The following PTCH1 variants were observed in gnomAD, a reference collection of about 807,000 sequenced individuals.
The protein encoded by PTCH1 is protein patched homolog 1.
In PTCH1, 14 loss-of-function variants were observed where a neutral mutation model predicts 144.6. That is an observed-to-expected ratio of 0.10 (90% CI 0.06 to 0.15). The LOEUF is 0.15. PTCH1 is among the 10% of genes least tolerant of loss of function. The probability of loss-of-function intolerance (pLI) is 1.00; values close to 1 mark genes in which losing one functional copy is unlikely to be tolerated. For missense variants in PTCH1, 1,623 were observed against 1,948.3 expected (o/e 0.83, Z 3.14); for synonymous variants, 833 against 793.6 (o/e 1.05, Z -0.83).
intron 19 of PTCH1, 32 bp downstream of exon 19, chr9:95,456,244 C>T (rs1433749975): frequency 6.2e-7 from 1 of 1,611,306 alleles, no homozygotes; most frequent in Admixed American, 1.7e-5. Context: ...GTTGTTTTTT[C>T]ACAAAGTTTT....
chr9:95,463,185 T>G (rs1358730873), intron 15 of PTCH1, among the ~76,000 whole-genome samples: 1 of 152,104 alleles, frequency 6.6e-6, no homozygotes, highest in African/African-American at 2.4e-5. Context: ...AAAATCTGGT[T>G]GCGTTAGTGC....
At position 95,508,245 on chromosome 9, in the gene PTCH1, C is replaced by A; in HGVS notation, c.117G>T (p.Leu39=). Residue 39 remains leucine (L), a synonymous_variant, in exon 1 of 24, where the codon CTG becomes CTT. Transcript: ENST00000331920. ...GGGRRRRTGG[L]RRAAAPDRDY... is the part of the protein sequence containing the mutation. ...CCCGGTCCGGCGCGGCAGCACGGCG[C>A]AGCCCCCCCGTCCGTCTGCGCCTCC... 6.2e-7 allele frequency: 1 copy of A among 1,605,906 alleles called. No individual in the cohort carries two copies. Among genetic ancestry groups the A allele is most frequent in the Non-Finnish European group, 8.5e-7 (1 of 1,178,002 alleles).
chr9:95,446,261 A>G lies in PTCH1; in HGVS notation c.*132T>C. On this transcript the variant is annotated 3_prime_UTR_variant, in exon 24 of 24. Coordinates refer to ENST00000331920, the MANE Select transcript of PTCH1 (RefSeq NM_000264.5). ...CAAAATAATACAATCGGTTACAGTA[A>G]CAATGAACTGCTGTCCTGGCACAGG... is the stretch of plus-strand genomic sequence containing the variant. 1 of 452,920 alleles carries G rather than the reference A, an allele frequency of 2.2e-6. No individual in the cohort carries two copies. Among genetic ancestry groups the G allele is most frequent in the Non-Finnish European group, 4.4e-6 (1 of 227,570 alleles). 28.1% of individuals were successfully genotyped at this position (452,920 alleles called of 1,614,324 possible). A position where few individuals can be genotyped will look rare whatever the true frequency, so the allele number is the denominator to read the frequency against.
chr9:95,469,948 A>C lies in PTCH1; in HGVS notation c.1729-17T>G. The C allele has an allele frequency of 6.3e-7, 1 of 1,582,618 alleles. No individual in the cohort carries two copies. The highest frequency in any genetic ancestry group is 8.7e-7 in the Non-Finnish European group (1 of 1,151,392). On this transcript the variant is annotated splice_polypyrimidine_tract_variant and intron_variant, in intron 12 of 23. Transcript: ENST00000331920. The stretch of plus-strand genomic sequence containing the variant: ...TACCGCTGCCTGGGAGCAGAAAAAA[A>C]ATTCAGAGGTCACCAACATGCCTCC...
chr9:95,456,306 T>C lies in PTCH1; in HGVS notation c.3276A>G (p.Ile1092Met), dbSNP rs1227312736. 6.2e-7 allele frequency: 1 copy of C among 1,614,046 alleles called. No individual in the cohort carries two copies. The highest frequency in any genetic ancestry group is 8.5e-7 in the Non-Finnish European group (1 of 1,180,012). Residue 1092 changes from isoleucine to methionine, a missense_variant, in exon 19 of 24, where the codon ATA becomes ATG. Around this residue, in one of 7 missense-constraint regions of PTCH1, gnomAD observed 504 missense variants for 679.3 expected, o/e 0.74. Transcript: ENST00000331920. ...PVVILIASVG[I>M]GVEFTVHVAL... Reference sequence around the variant, plus strand: ...CAACGTGAACGGTGAACTCCACTCCTATGCCAACAGAAGCGATCAGGATGA... The same window carrying C: ...CAACGTGAACGGTGAACTCCACTCCCATGCCAACAGAAGCGATCAGGATGA...
rs1843774341 is a variant in PTCH1 at position 95,507,462 on chromosome 9, C to T, written c.201+699G>A. The stretch of plus-strand genomic sequence containing the variant: ...AGCGAGCCTCGTAAACACAATGAAC[C>T]CGGCAGCTCCGCAGACTCGCACCGC... On this transcript the variant is annotated intron_variant, in intron 1 of 23. Transcript: ENST00000331920. 7 of 982,854 alleles carry T rather than the reference C, an allele frequency of 7.1e-6. No homozygotes were observed. In the Admixed American group the frequency reaches 4.3e-4, roughly 60 times the overall value. 60.9% of individuals were successfully genotyped at this position (982,854 alleles called of 1,614,324 possible).
At chr9:95,484,063 A>G (rs1439351195) in intron 3 of PTCH1, 2 of 152,268 alleles carry the variant, frequency 1.3e-5, no homozygotes, top group Non-Finnish European at 2.9e-5. Context: ...ATTCCAATGC[A>G]TAAAATTACT....
At chr9:95,460,533 G>C (rs1839368351) in intron 16 of PTCH1, among the ~76,000 whole-genome samples, 1 of 152,106 alleles carries the variant, frequency 6.6e-6, no homozygotes, top group African/African-American at 2.4e-5. Context: ...TCCTCGCTTT[G>C]GGTCTTTTTT....
In PTCH1 at chr9:95,509,225, C is replaced by T. The variant is rs1844011300; in HGVS notation, c.-864G>A. 6.7e-6 allele frequency among the ~76,000 whole-genome samples: 1 copy of T among 149,922 alleles called. No individual in the cohort carries two copies. The highest frequency in any genetic ancestry group is 6.7e-5 in the Admixed American group (1 of 15,010). ...ATGGAAGAAGAAAAAAAAGAACTCT[C>T]TCCATTTGGAGAAAGAAGAGGAGGA... On this transcript the variant is annotated 5_prime_UTR_variant, in exon 1 of 24. Transcript: ENST00000331920.
At chr9:95,510,740 AAG>A (rs1491556557), upstream of PTCH1, among the ~76,000 whole-genome samples, 12 of 149,676 alleles carry the variant, frequency 8.0e-5, no homozygotes, top group African/African-American at 3.0e-4. Flanking sequence ...TTGAAAAAAA[AAG>A]AAGAAAGAAA....
upstream of PTCH1, among the ~76,000 whole-genome samples, chr9:95,510,173 T>G (rs1844076213): frequency 6.6e-6 from 1 of 152,030 alleles, no homozygotes; most frequent in African/African-American, 2.4e-5. Flanking sequence ...AGAAACGGAA[T>G]TGTTTCCTTG....
Position 95,508,881 on chromosome 9 carries a change from G to C in PTCH1, c.-520C>G, listed in dbSNP as rs1843975562. ...GGCCGCGGAGGGCAAGCGCAGAGCC[G>C]CCGCCGCCGCGGGGTCCGAGGGTGC... On this transcript the variant is annotated 5_prime_UTR_variant, in exon 1 of 24. Transcript: ENST00000331920. 1.5e-5 allele frequency: 14 copies of C among 956,448 alleles called. No individual in the cohort carries two copies. The highest frequency in any genetic ancestry group is 1.7e-5 in the Non-Finnish European group (14 of 804,230). The allele number at this position is 956,448 out of a possible 1,614,324, so 59.2% of individuals were successfully genotyped here. A position where few individuals can be genotyped will look rare whatever the true frequency, so the allele number is the denominator to read the frequency against.
At chr9:95,510,385 G>A (rs1180600299), upstream of PTCH1, among the ~76,000 whole-genome samples, 1 of 152,180 alleles carries the variant, frequency 6.6e-6, no homozygotes, top group Non-Finnish European at 1.5e-5. Context: ...GATTCGTCCC[G>A]ACACCGCGTC....
rs1306400694 is a variant in PTCH1, at chr9:95,485,751, T to C, written c.518A>G (p.Glu173Gly). The C allele has an allele frequency of 6.2e-7, 1 of 1,614,198 alleles. No homozygotes were observed. The highest frequency in any genetic ancestry group is 1.1e-5 in the South Asian group (1 of 91,072). ...CGAGTCCAGGTGTTGTAGGAGCGCT[T>C]CTGTGGTCAGGACATTAGCACCTTC... Reference protein sequence around the residue: ...KEEGANVLTTEALLQHLDSAL... With the variant: ...KEEGANVLTTGALLQHLDSAL... The change falls in exon 3 of 24, where the codon GAA (glutamate) becomes GGA (glycine). Residue 173 changes from glutamate to glycine, a missense_variant. Coordinates refer to ENST00000331920, the MANE Select transcript of PTCH1 (RefSeq NM_000264.5).
chr9:95,472,966 T>C lies in PTCH1; in HGVS notation c.1729-3035A>G, dbSNP rs115883140. Among the ~76,000 whole-genome samples, 1,489 of 152,318 alleles carry C rather than the reference T, an allele frequency of 9.8e-3. 27 individuals are homozygous for C. Among genetic ancestry groups the C allele is most frequent in the African/African-American group, 0.034 (1,415 of 41,564 alleles). ...GAATCAATTCTAGTTATTGTACTCATAGGAAATGCCCCATCCCCTCAAAGC... is the reference window on the plus strand; with the variant it reads ...GAATCAATTCTAGTTATTGTACTCACAGGAAATGCCCCATCCCCTCAAAGC... On this transcript the variant is annotated intron_variant, in intron 12 of 23. Coordinates refer to ENST00000331920, the MANE Select transcript of PTCH1 (RefSeq NM_000264.5).
At chr9:95,459,863 G>A in intron 16 of PTCH1, 80 bp from the exon 17 acceptor site, 4 of 1,466,298 alleles carry the variant, frequency 2.7e-6, no homozygotes. Context: ...CACAGAAGCT[G>A]AGCTTCGCAC....
chr9:95,487,541 A>G (rs1220025124), intron 2 of PTCH1, among the ~76,000 whole-genome samples: 1 of 152,212 alleles, frequency 6.6e-6, no homozygotes, highest in Non-Finnish European at 1.5e-5. Context: ...CACCACGCAG[A>G]CTTCCAACCA....
Position 95,508,341 on chromosome 9 carries a change from G to C in PTCH1, c.21C>G (p.Ala7=). The part of the protein sequence containing the change: MASAGN[A]AEPQDRGGGG... ...CGCCGCCGCGGTCCTGGGGCTCGGCGGCGTTACCAGCCGAGGCCATGTTGC... is the reference window on the plus strand; with the variant it reads ...CGCCGCCGCGGTCCTGGGGCTCGGCCGCGTTACCAGCCGAGGCCATGTTGC... Residue 7 remains alanine (A), a synonymous_variant, in exon 1 of 24, where the codon GCC becomes GCG. Transcript: ENST00000331920. The C allele has an allele frequency of 5.6e-6, 7 of 1,259,958 alleles. No homozygotes were observed. Among genetic ancestry groups the C allele is most frequent in the Non-Finnish European group, 7.0e-6 (7 of 1,004,130 alleles). The allele number at this position is 1,259,958 out of a possible 1,614,324, so 78.0% of individuals were successfully genotyped here.
chr9:95,451,492 A>G (rs1223422906), intron 20 of PTCH1: 1 of 152,216 alleles, frequency 6.6e-6, no homozygotes, highest in Non-Finnish European at 1.5e-5. Context: ...TCCAGCTGCC[A>G]GGTTTCCAGC....
Sources: allele counts gnomAD v4.1 joint callset (sites outside exome capture counted in the v4.1 genomes callset), GRCh38; gene constraint gnomAD v4.1.1; regional missense constraint gnomAD v4.1.1; transcripts MANE v1.5; gene names NCBI Gene and HGNC (gene_info 2026-07-23, HGNC 2026-07-21).